GALNTL6: variants seen among roughly 807,000 people sequenced by gnomAD.
GALNTL6 encodes polypeptide N-acetylgalactosaminyltransferase-like 6.
Under a neutral mutation model 73.7 loss-of-function variants are expected in GALNTL6, and 46 were observed. The observed-to-expected ratio is 0.62, with a 90% CI of 0.49 to 0.80. The LOEUF (loss-of-function observed/expected upper bound fraction) is 0.80, where lower values mean the gene tolerates loss of function less well. Among genes scored for constraint, GALNTL6 ranks in the 30% least tolerant of loss-of-function variants. GALNTL6 has a pLI of 0.00. For missense variants in GALNTL6, 604 were observed against 755.0 expected (o/e 0.80, Z 2.34); for synonymous variants, 259 against 263.7 (o/e 0.98, Z 0.17).
chr4:172,471,430 A>G (rs1348098422), intron 5 of GALNTL6, among the ~76,000 whole-genome samples: 2 of 152,082 alleles, frequency 1.3e-5, no homozygotes, highest in African/African-American at 2.4e-5. Flanking sequence ...TGTTTTGTTT[A>G]TGTTTTACCA....
At chr4:172,914,103 TAAAGA>T (rs1747366743) in intron 8 of GALNTL6, among the ~76,000 whole-genome samples, 1 of 152,144 alleles carries the variant, frequency 6.6e-6, no homozygotes, top group African/African-American at 2.4e-5. Flanking sequence ...TCAACATTCT[TAAAGA>T]AAAGAAATTT....
chr4:172,804,044 A>G (rs1013759165), intron 5 of GALNTL6, among the ~76,000 whole-genome samples: 2 of 152,242 alleles, frequency 1.3e-5, no homozygotes, highest in Admixed American at 6.5e-5. Flanking sequence ...AGTGTAAAGA[A>G]TATAGAAAAT....
At chr4:172,351,828 T>G (rs1262606183) in intron 5 of GALNTL6, among the ~76,000 whole-genome samples, 1 of 152,148 alleles carries the variant, frequency 6.6e-6, no homozygotes, top group Non-Finnish European at 1.5e-5. Flanking sequence ...CCAATTTCAT[T>G]TCTGTTCAGT....
intron 2 of GALNTL6, among the ~76,000 whole-genome samples, chr4:172,105,473 T>TA (rs1732650116): frequency 6.6e-6 from 1 of 151,854 alleles, no homozygotes; most frequent in African/African-American, 2.4e-5. Flanking sequence ...TAGAAACTGA[T>TA]ACGCTCTCAT....
At position 172,952,207 on chromosome 4, in the gene GALNTL6, C is replaced by T. The variant is rs144094710; in HGVS notation, c.1320C>T (p.Asp440=). ...GGTTCATGGCTGCTGTGGCCTGGGA[C>T]GTGCCTAAATACTACCCTCCAGTGG... is the stretch of plus-strand genomic sequence containing the variant. ...FKWFMAAVAW[D]VPKYYPPVEP... Residue 440 remains aspartate (D), a synonymous_variant, in exon 10 of 13, where the codon GAC becomes GAT. Coordinates refer to ENST00000506823, the MANE Select transcript of GALNTL6 (RefSeq NM_001034845.3). The T allele has an allele frequency of 9.3e-6, 15 of 1,613,904 alleles. No homozygotes were observed. The highest frequency in any genetic ancestry group is 6.7e-5 in the East Asian group (3 of 44,880).
chr4:172,991,394 TTTTTTTTTG>T (rs1034699056), intron 10 of GALNTL6, among the ~76,000 whole-genome samples: 1 of 145,880 alleles, frequency 6.9e-6, no homozygotes, highest in African/African-American at 2.7e-5. Flanking sequence ...CCAGTTTTTG[TTTTTTTTTG>T]TTTTTTTTGT....
At chr4:172,004,848 T>C (rs947615923) in intron 2 of GALNTL6, among the ~76,000 whole-genome samples, 2 of 151,852 alleles carry the variant, frequency 1.3e-5, no homozygotes, top group Non-Finnish European at 2.9e-5. Flanking sequence ...TTTTGTTTCT[T>C]GGAAAGTTAC....
intron 2 of GALNTL6, among the ~76,000 whole-genome samples, chr4:171,967,869 A>AT (rs1739436037): frequency 6.6e-6 from 1 of 152,142 alleles, no homozygotes; most frequent in Admixed American, 6.6e-5. Flanking sequence ...CTGGGTGGGA[A>AT]TACAGGTGGG....
chr4:171,898,547 C>A (rs1578951735), intron 2 of GALNTL6, among the ~76,000 whole-genome samples: 1 of 152,080 alleles, frequency 6.6e-6, no homozygotes, highest in Non-Finnish European at 1.5e-5. Context: ...GGTATATAAA[C>A]AACTTGTATG....
intron 7 of GALNTL6, among the ~76,000 whole-genome samples, chr4:172,864,848 A>G (rs150111131): frequency 1.6e-4 from 25 of 152,274 alleles, no homozygotes; most frequent in African/African-American, 4.3e-4. Context: ...TATGCCTCTT[A>G]TTAAAAGTAT....
intron 5 of GALNTL6, among the ~76,000 whole-genome samples, chr4:172,444,200 G>A (rs1350922319): frequency 1.3e-5 from 2 of 152,188 alleles, no homozygotes; most frequent in Non-Finnish European, 2.9e-5. Flanking sequence ...ATGATTGACT[G>A]TTTAGGTTAT....
At chr4:172,072,609 A>C (rs916585885) in intron 2 of GALNTL6, among the ~76,000 whole-genome samples, 2 of 152,150 alleles carry the variant, frequency 1.3e-5, no homozygotes, top group Non-Finnish European at 2.9e-5. Flanking sequence ...CTCCCAAACC[A>C]TATACTTCCC....
At chr4:171,864,870 G>C (rs1305332272) in intron 2 of GALNTL6, among the ~76,000 whole-genome samples, 1 of 152,110 alleles carries the variant, frequency 6.6e-6, no homozygotes, top group Non-Finnish European at 1.5e-5. Flanking sequence ...TGGAGAAAAT[G>C]GGAGCCAGTG....
At chr4:172,406,957 C>T (rs1561069050) in intron 5 of GALNTL6, among the ~76,000 whole-genome samples, 2 of 151,930 alleles carry the variant, frequency 1.3e-5, no homozygotes, top group East Asian at 1.9e-4. Context: ...CTTCTCCCAA[C>T]AAATGATTAC....
At chr4:171,983,788 T>G (rs925188945) in intron 2 of GALNTL6, among the ~76,000 whole-genome samples, 12 of 152,188 alleles carry the variant, frequency 7.9e-5, no homozygotes, top group Non-Finnish European at 1.6e-4. Flanking sequence ...GATAGCTTCT[T>G]GGCTGCCTTT....
chr4:172,659,698 T>C (rs1346813502), intron 5 of GALNTL6, among the ~76,000 whole-genome samples: 1 of 152,106 alleles, frequency 6.6e-6, no homozygotes, highest in East Asian at 1.9e-4. Flanking sequence ...GCTGTGAAGG[T>C]TTTCTATAGA....
intron 5 of GALNTL6, among the ~76,000 whole-genome samples, chr4:172,683,127 G>A (rs778305454): frequency 4.6e-4 from 70 of 152,154 alleles, no homozygotes; most frequent in Non-Finnish European, 7.8e-4. Context: ...TTGTTGAGAC[G>A]TTTTGGCCAA....
At chr4:172,730,604 A>G (rs1323067994) in intron 5 of GALNTL6, among the ~76,000 whole-genome samples, 1 of 152,012 alleles carries the variant, frequency 6.6e-6, no homozygotes, top group African/African-American at 2.4e-5. Flanking sequence ...CGATCTTTTT[A>G]GTGTTGTTGC....
At chr4:172,176,623 C>A (rs1188992761) in intron 2 of GALNTL6, among the ~76,000 whole-genome samples, 1 of 151,572 alleles carries the variant, frequency 6.6e-6, no homozygotes, top group African/African-American at 2.4e-5. Context: ...GACTCTGCCT[C>A]AACAAAAAAT....
Sources: allele counts gnomAD v4.1 joint callset (sites outside exome capture counted in the v4.1 genomes callset), GRCh38; gene constraint gnomAD v4.1.1; transcripts MANE v1.5; gene names NCBI Gene and HGNC (gene_info 2026-07-23, HGNC 2026-07-21).